SKI: variants seen among roughly 807,000 people sequenced by gnomAD.
SKI encodes SKI proto-oncogene.
A neutral mutation model predicts 59.3 loss-of-function variants in SKI; 23 were observed. That is an observed-to-expected ratio of 0.39 (90% CI 0.28 to 0.55). SKI has a LOEUF of 0.55. SKI is among the 20% of genes least tolerant of loss of function. The pLI is 0.67. For missense variants in SKI, 1,017 were observed against 1,038.9 expected (o/e 0.98, Z 0.29); for synonymous variants, 673 against 488.6 (o/e 1.38, Z -4.98).
chr1:2,228,453 G>T lies in SKI; in HGVS notation c.-314G>T, dbSNP rs1052325809. On this transcript the variant is annotated 5_prime_UTR_variant, in exon 1 of 7. It removes an upstream start codon present in the reference 5' UTR. Coordinates refer to ENST00000378536, the MANE Select transcript of SKI (RefSeq NM_003036.4). ...GCGTTGGCGGCGCGCGCCGGGGCAT[G>T]CCCCGCGCCTAGAGCCCGGGGGGCG... Among the ~76,000 whole-genome samples the T allele has an allele frequency of 1.4e-5, 2 of 141,870 alleles. No individual in the cohort carries two copies. The highest frequency in any genetic ancestry group is 5.0e-5 in the African/African-American group (2 of 39,636). The allele number at this position is 141,870 out of a possible 152,430, so 93.1% of individuals were successfully genotyped here. A position where few individuals can be genotyped will look rare whatever the true frequency, so the allele number is the denominator to read the frequency against.
In SKI at chr1:2,304,052, A is replaced by T; in HGVS notation, c.1424A>T (p.Glu475Val). 1 of 1,612,566 alleles carries T rather than the reference A, an allele frequency of 6.2e-7. No homozygotes were observed. Among genetic ancestry groups the T allele is most frequent in the South Asian group, 1.1e-5 (1 of 91,086 alleles). Residue 475 changes from glutamate (E) to valine (V), a missense_variant, in exon 4 of 7, where the codon GAG (glutamate) becomes GTG (valine). Transcript: ENST00000378536. Reference protein sequence around the residue: ...PETLAPVAAPEEDKDSEAEVE... With the variant: ...PETLAPVAAPVEDKDSEAEVE... ...ACGCTGGCGCCCGTGGCTGCCCCAGAGGAGGACAAGGACTCGGAGGCGGAG... is the reference window on the plus strand; with the variant it reads ...ACGCTGGCGCCCGTGGCTGCCCCAGTGGAGGACAAGGACTCGGAGGCGGAG...
chr1:2,306,494 G>A (rs939223567), intron 6 of SKI, 83 bp from the exon 7 acceptor site: 2 of 1,396,454 alleles, frequency 1.4e-6, no homozygotes, highest in African/African-American at 1.4e-5. Context: ...AGGGAGCGGC[G>A]CAGGAGCCTC....
chr1:2,301,060 C>T (rs1243737054), intron 1 of SKI, among the ~76,000 whole-genome samples: 2 of 152,176 alleles, frequency 1.3e-5, no homozygotes, highest in Non-Finnish European at 2.9e-5. Context: ...GTGGCTTTTC[C>T]CCGGGTGATA....
intron 1 of SKI, among the ~76,000 whole-genome samples, chr1:2,283,715 C>A (rs1410679954): frequency 6.6e-6 from 1 of 152,234 alleles, no homozygotes; most frequent in Non-Finnish European, 1.5e-5. Context: ...TGCAGCCCTG[C>A]TGCCCATGGC....
intron 1 of SKI, among the ~76,000 whole-genome samples, chr1:2,272,234 A>T (rs1185896846): frequency 6.6e-6 from 1 of 152,228 alleles, no homozygotes; most frequent in Non-Finnish European, 1.5e-5. Context: ...TTAAAAACCC[A>T]CTGAAAGGTC....
intron 1 of SKI, chr1:2,240,586 C>G (rs938310292): frequency 1.4e-5 from 14 of 985,392 alleles, no homozygotes; most frequent in African/African-American, 5.2e-5. Flanking sequence ...AAGAAGAAAT[C>G]AAGAGGATTT....
At chr1:2,292,027 A>G (rs1312156472) in intron 1 of SKI, among the ~76,000 whole-genome samples, 2 of 152,256 alleles carry the variant, frequency 1.3e-5, no homozygotes, top group East Asian at 3.8e-4. Flanking sequence ...ACTTACAAAA[A>G]TAGCTTTATA....
chr1:2,276,556 C>G (rs1420941973), intron 1 of SKI, among the ~76,000 whole-genome samples: 2 of 152,208 alleles, frequency 1.3e-5, no homozygotes, highest in Non-Finnish European at 2.9e-5. Flanking sequence ...GTTTTAGATC[C>G]CATAAGCAAG....
At chr1:2,251,502 A>G (rs1222879999) in intron 1 of SKI, among the ~76,000 whole-genome samples, 4 of 152,030 alleles carry the variant, frequency 2.6e-5, no homozygotes, top group Non-Finnish European at 5.9e-5. Flanking sequence ...GTCCCACCAC[A>G]GTGACGTATG....
intron 1 of SKI, among the ~76,000 whole-genome samples, chr1:2,277,846 G>A (rs551945995): frequency 6.9e-5 from 10 of 143,918 alleles, no homozygotes; most frequent in African/African-American, 2.5e-4. Context: ...ACTCAGGACC[G>A]ACGGACATAC....
intron 1 of SKI, among the ~76,000 whole-genome samples, chr1:2,276,252 G>A (rs534112780): frequency 3.8e-4 from 58 of 151,814 alleles, no homozygotes; most frequent in African/African-American, 1.3e-3. Context: ...GTACTTGGAG[G>A]GACAGCGCAG....
chr1:2,305,835 G>A (rs1640559111), intron 5 of SKI, among the ~76,000 whole-genome samples, 185 bp from the exon 6 acceptor site: 1 of 152,232 alleles, frequency 6.6e-6, no homozygotes, highest in Non-Finnish European at 1.5e-5. Flanking sequence ...CTCCGGATGG[G>A]GGTCTGAAAA....
Position 2,268,849 on chromosome 1 carries a change from TTCCC to T in SKI, c.970-34115_970-34112del, listed in dbSNP as rs529854042. Among the ~76,000 whole-genome samples the T allele has an allele frequency of 2.0e-3, 300 of 152,076 alleles. 1 individual carries two copies. Among genetic ancestry groups the T allele is most frequent in the Middle Eastern group, 0.014 (4 of 294 alleles). Reference sequence around the variant, plus strand: ...TGTGCTGCCGTATTCTGATTCCTTCTTCCCTCCCTCCCTCCCTTCTGCCTTTCCC... The same window carrying T: ...TGTGCTGCCGTATTCTGATTCCTTCTTCCCTCCCTCCCTTCTGCCTTTCCC... On this transcript the variant is annotated intron_variant, in intron 1 of 6. Transcript: ENST00000378536. The surrounding 1 kb of genome is among the most constrained non-coding windows in gnomAD (Gnocchi z 5.0).
chr1:2,234,248 A>G (rs964281431), intron 1 of SKI, among the ~76,000 whole-genome samples: 13 of 152,114 alleles, frequency 8.5e-5, no homozygotes, highest in Non-Finnish European at 1.6e-4. Context: ...TGGGGAGGGC[A>G]TGGGCAGCTG....
At chr1:2,243,825 C>G (rs552608232) in intron 1 of SKI, among the ~76,000 whole-genome samples, 3 of 152,148 alleles carry the variant, frequency 2.0e-5, no homozygotes, top group Non-Finnish European at 4.4e-5. Flanking sequence ...ATACACATCT[C>G]TATAGATTGC....
intron 1 of SKI, among the ~76,000 whole-genome samples, chr1:2,290,076 G>T (rs1358506651): frequency 6.6e-6 from 1 of 152,184 alleles, no homozygotes; most frequent in African/African-American, 2.4e-5. Context: ...GGGGGTCCCT[G>T]TTGGTCAGGG....
chr1:2,273,861 G>A (rs927791961), intron 1 of SKI, among the ~76,000 whole-genome samples: 2 of 152,168 alleles, frequency 1.3e-5, no homozygotes, highest in South Asian at 2.1e-4. Flanking sequence ...GCAGGCAGAC[G>A]TGCTCTTGGG....
At chr1:2,272,421 C>T (rs1190364101) in intron 1 of SKI, among the ~76,000 whole-genome samples, 3 of 152,226 alleles carry the variant, frequency 2.0e-5, no homozygotes, top group Non-Finnish European at 2.9e-5. Flanking sequence ...AGGAGCCCTC[C>T]GCTGGGGGGT....
At chr1:2,306,422 G>C (rs757218165) in intron 6 of SKI, among the ~76,000 whole-genome samples, 155 bp from the exon 7 acceptor site, 22 of 152,200 alleles carry the variant, frequency 1.4e-4, no homozygotes, top group Non-Finnish European at 3.1e-4. Context: ...TGGGCCCTGC[G>C]TCTCGTGAGC....
Sources: gnomAD v4.1 joint callset for allele counts (sites outside exome capture counted in the v4.1 genomes callset) on GRCh38, gnomAD v4.1.1 for gene constraint, Gnocchi (gnomAD v3.1) non-coding constraint, MANE v1.5 for transcripts, NCBI Gene and HGNC (gene_info 2026-07-23, HGNC 2026-07-21) for gene names.